The following TPD52 variants were observed in gnomAD, a reference collection of about 807,000 sequenced individuals.
TPD52 encodes the protein tumor protein D52, also known as prostate and colon associated protein.
TPD52 carries 17 observed loss-of-function variants against 31.3 expected under a neutral mutation model. The ratio of observed to expected loss-of-function variants is 0.54; its 90% confidence interval spans 0.37 to 0.82. TPD52 has a LOEUF of 0.82. TPD52 is among the 40% of genes least tolerant of loss of function. The probability of loss-of-function intolerance (pLI) is 0.00; values close to 1 mark genes in which losing one functional copy is unlikely to be tolerated. For synonymous variants in TPD52, 83 were observed against 89.6 expected (o/e 0.93, Z 0.42); for missense variants, 212 against 240.1 (o/e 0.88, Z 0.77).
intron 7 of TPD52, among the ~76,000 whole-genome samples, chr8:80,041,812 A>G (rs1810409686): frequency 6.6e-6 from 1 of 152,156 alleles, no homozygotes; most frequent in South Asian, 2.1e-4. Context: ...AATACAGGCC[A>G]GGCATGGTGG....
intron 1 of TPD52, among the ~76,000 whole-genome samples, chr8:80,150,491 C>T (rs1329263591): frequency 1.3e-5 from 2 of 152,178 alleles, no homozygotes; most frequent in Non-Finnish European, 1.5e-5. Flanking sequence ...CAATAGCTTG[C>T]ACTGTGTACC....
chr8:80,087,692 C>T (rs1443301751), intron 1 of TPD52, among the ~76,000 whole-genome samples: 6 of 152,128 alleles, frequency 3.9e-5, no homozygotes, highest in African/African-American at 1.2e-4. Flanking sequence ...CACCTTCCAC[C>T]GAAGCAGCAG....
At chr8:80,156,722 A>G (rs1477498994) in intron 1 of TPD52, among the ~76,000 whole-genome samples, 2 of 152,216 alleles carry the variant, frequency 1.3e-5, no homozygotes, top group Non-Finnish European at 2.9e-5. Flanking sequence ...GAAGGTACGA[A>G]TTAAGAAATG....
At chr8:80,061,741 G>A (rs1812580801) in intron 2 of TPD52, among the ~76,000 whole-genome samples, 1 of 152,000 alleles carries the variant, frequency 6.6e-6, no homozygotes, top group East Asian at 1.9e-4. Context: ...CAAAATATAA[G>A]ATCAAGATAT....
intron 1 of TPD52, among the ~76,000 whole-genome samples, chr8:80,140,180 G>A (rs1000397165): frequency 3.3e-5 from 5 of 152,178 alleles, no homozygotes; most frequent in Non-Finnish European, 7.3e-5. Flanking sequence ...TAAGGCCCAA[G>A]TCCTGGGTTC....
At chr8:80,169,274 C>T (rs1406046259) in intron 1 of TPD52, among the ~76,000 whole-genome samples, 1 of 152,294 alleles carries the variant, frequency 6.6e-6, no homozygotes, top group Middle Eastern at 3.4e-3. Context: ...AGCCACCGCA[C>T]CCAGCCTTGG....
intron 1 of TPD52, among the ~76,000 whole-genome samples, chr8:80,152,386 C>T (rs1283469622): frequency 6.6e-6 from 1 of 152,166 alleles, no homozygotes; most frequent in African/African-American, 2.4e-5. Context: ...TGAAAACACC[C>T]TTCCTCCTAA....
intron 3 of TPD52, among the ~76,000 whole-genome samples, chr8:80,052,359 C>A (rs1811462969): frequency 6.6e-6 from 1 of 152,070 alleles, no homozygotes; most frequent in Non-Finnish European, 1.5e-5. Flanking sequence ...TCGTACCTAC[C>A]AAAACAATTC....
chr8:80,109,597 G>C (rs1190787503), intron 1 of TPD52, among the ~76,000 whole-genome samples: 3 of 152,042 alleles, frequency 2.0e-5, no homozygotes, highest in Non-Finnish European at 4.4e-5. Context: ...AGTAGAGACA[G>C]GGTTTCACCA....
At chr8:80,170,729 C>G (rs761312813) in intron 1 of TPD52, among the ~76,000 whole-genome samples, 7 of 152,198 alleles carry the variant, frequency 4.6e-5, no homozygotes, top group Non-Finnish European at 1.0e-4. Context: ...AAACCATGGC[C>G]TACTATTGCT....
At chr8:80,048,825 C>T (rs1811107009) in intron 5 of TPD52, among the ~76,000 whole-genome samples, 1 of 152,144 alleles carries the variant, frequency 6.6e-6, no homozygotes, top group South Asian at 2.1e-4. Flanking sequence ...CTTACTTTAA[C>T]CCCTACATAC....
chr8:80,039,250 A>G (rs919144511), intron 7 of TPD52, among the ~76,000 whole-genome samples: 2 of 152,176 alleles, frequency 1.3e-5, no homozygotes, highest in Non-Finnish European at 2.9e-5. Flanking sequence ...TATAGTATCA[A>G]ATCTCCTTGC....
At chr8:80,126,229 C>T (rs1808585590) in intron 1 of TPD52, among the ~76,000 whole-genome samples, 1 of 152,114 alleles carries the variant, frequency 6.6e-6, no homozygotes, top group South Asian at 2.1e-4. Context: ...GAATTACATA[C>T]TATTTTGAGA....
intron 1 of TPD52, among the ~76,000 whole-genome samples, chr8:80,126,134 C>G (rs1183184228): frequency 1.3e-5 from 2 of 152,062 alleles, no homozygotes; most frequent in Non-Finnish European, 2.9e-5. Flanking sequence ...TATTTAATAT[C>G]TATATTTTGT....
intron 1 of TPD52, among the ~76,000 whole-genome samples, chr8:80,115,213 A>G (rs1807781305): frequency 6.6e-6 from 1 of 152,178 alleles, no homozygotes; most frequent in Non-Finnish European, 1.5e-5. Flanking sequence ...GAGAGTGCAA[A>G]GAGCAGCCAA....
intron 3 of TPD52, 66 bp from the exon 4 acceptor site, chr8:80,051,694 T>C: frequency 1.5e-6 from 2 of 1,346,328 alleles, no homozygotes. Flanking sequence ...TATCAATTGT[T>C]TCAAGTGCAG....
At chr8:80,056,950 C>G (rs1485686700) in intron 2 of TPD52, among the ~76,000 whole-genome samples, 1 of 152,178 alleles carries the variant, frequency 6.6e-6, no homozygotes, top group African/African-American at 2.4e-5. Flanking sequence ...GGACAGATCA[C>G]TTGAGGTCAG....
In TPD52 at chr8:80,064,484, A is replaced by C; in HGVS notation, c.129T>G (p.Leu43=). 1.2e-6 allele frequency: 2 copies of C among 1,613,704 alleles called. No individual in the cohort carries two copies. The highest frequency in any genetic ancestry group is 1.7e-6 in the Non-Finnish European group (2 of 1,179,588). The change falls in exon 2 of 8, where the codon CTT becomes CTG. Residue 43 remains leucine, a synonymous_variant. Transcript: ENST00000518937. Reference sequence around the variant, plus strand: ...AAAAGGAATGGTTCTTTACCTTTGCAAGTTCTCTTCTTAGCTCTTCCTGCT... The same window carrying C: ...AAAAGGAATGGTTCTTTACCTTTGCCAGTTCTCTTCTTAGCTCTTCCTGCT... ...EEEQEELRRE[L]AKVEEEIQTL...
At chr8:80,114,458 A>G (rs1250333642) in intron 1 of TPD52, among the ~76,000 whole-genome samples, 4 of 152,114 alleles carry the variant, frequency 2.6e-5, no homozygotes, top group Non-Finnish European at 5.9e-5. Context: ...TCATTGTTAT[A>G]CCCCAAAATG....
Sources: gnomAD v4.1 joint callset for allele counts (sites outside exome capture counted in the v4.1 genomes callset) on GRCh38, gnomAD v4.1.1 for gene constraint, MANE v1.5 for transcripts, NCBI Gene and HGNC (gene_info 2026-07-23, HGNC 2026-07-21) for gene names.